Variants in PSMA1 observed in about 807,000 individuals in gnomAD.
PSMA1 encodes proteasome 20S subunit alpha 1, also known as proteasome subunit alpha type-1.
PSMA1 carries 3 observed loss-of-function variants against 38.4 expected under a neutral mutation model. The ratio of observed to expected loss-of-function variants is 0.08; its 90% CI spans 0.04 to 0.20. PSMA1 has a LOEUF of 0.20. Ranked by LOEUF, PSMA1 falls within the 10% of genes least tolerant of loss-of-function variation. The pLI, the probability that PSMA1 is intolerant of heterozygous loss-of-function variation, is 1.00. For synonymous variants in PSMA1, 101 were observed against 107.1 expected (o/e 0.94, Z 0.35); for missense variants, 227 against 325.3 (o/e 0.70, Z 2.32).
At chr11:14,598,024 A>G (rs551145860) in intron 2 of PSMA1, among the ~76,000 whole-genome samples, 5 of 152,158 alleles carry the variant, frequency 3.3e-5, no homozygotes, top group Non-Finnish European at 7.4e-5. Context: ...GTCACTCAGG[A>G]GCAAGTTGTT....
At chr11:14,634,647 A>T (rs183677941) in intron 1 of PSMA1, among the ~76,000 whole-genome samples, 82 of 152,240 alleles carry the variant, frequency 5.4e-4, no homozygotes, top group Non-Finnish European at 7.4e-4. Flanking sequence ...CATAGCCAAA[A>T]TTCAGGCTTT....
chr11:14,631,056 T>C (rs1051578906), intron 1 of PSMA1, among the ~76,000 whole-genome samples: 5 of 152,130 alleles, frequency 3.3e-5, no homozygotes, highest in Admixed American at 1.3e-4. Flanking sequence ...TCTTCTCTCT[T>C]TTTTTCTTTA....
intron 2 of PSMA1, among the ~76,000 whole-genome samples, chr11:14,588,286 G>A (rs1219801563): frequency 1.3e-5 from 2 of 152,202 alleles, no homozygotes; most frequent in Non-Finnish European, 2.9e-5. Flanking sequence ...TGGGCTGAGG[G>A]AATGGCATGA....
intron 2 of PSMA1, among the ~76,000 whole-genome samples, chr11:14,526,955 C>T (rs555235202): frequency 1.2e-4 from 18 of 152,256 alleles, no homozygotes; most frequent in Non-Finnish European, 1.8e-4. Flanking sequence ...TGCCTTAACT[C>T]GAGCCCTCAC....
intron 2 of PSMA1, among the ~76,000 whole-genome samples, chr11:14,545,878 TAGGAAG>T (rs1420442706): frequency 6.6e-6 from 1 of 152,146 alleles, no homozygotes; most frequent in African/African-American, 2.4e-5. Flanking sequence ...AGCCTACACA[TAGGAAG>T]AGGTGAAAGA....
At chr11:14,631,088 G>C (rs11525337) in intron 1 of PSMA1, among the ~76,000 whole-genome samples, 21,387 of 151,160 alleles carry the variant, frequency 0.14, 2,127 homozygotes, top group African/African-American at 0.29. Context: ...AGCGGTCTAT[G>C]AATTTTGTTG....
intron 2 of PSMA1, among the ~76,000 whole-genome samples, chr11:14,591,864 G>C (rs1028980899): frequency 9.9e-5 from 15 of 152,054 alleles, no homozygotes; most frequent in African/African-American, 3.4e-4. Context: ...CAACCCGCTC[G>C]GGTCCCCTTC....
chr11:14,505,067 T>C lies in PSMA1; in HGVS notation c.*125A>G. On this transcript the variant is annotated 3_prime_UTR_variant, in exon 10 of 10. Coordinates refer to ENST00000396394, the MANE Select transcript of PSMA1 (RefSeq NM_002786.4). ...GCTTGGAAAAAACTCACATCTGGACTGATTCCTAAAACATAGCATTCCACC... is the reference window on the plus strand; with the variant it reads ...GCTTGGAAAAAACTCACATCTGGACCGATTCCTAAAACATAGCATTCCACC... 1.1e-6 allele frequency: 1 copy of C among 876,212 alleles called. No homozygotes were observed. The highest frequency in any genetic ancestry group is 1.4e-5 in the South Asian group (1 of 73,750). 54.3% of individuals were successfully genotyped at this position (876,212 alleles called of 1,614,324 possible). A position where few individuals can be genotyped will look rare whatever the true frequency, so the allele number is the denominator to read the frequency against.
At chr11:14,586,393 T>G (rs1392688494) in intron 2 of PSMA1, among the ~76,000 whole-genome samples, 1 of 151,898 alleles carries the variant, frequency 6.6e-6, no homozygotes, top group Non-Finnish European at 1.5e-5. Context: ...GATCGTGCCA[T>G]TGTACTCCAG....
chr11:14,555,933 A>G (rs1851936884), intron 2 of PSMA1, among the ~76,000 whole-genome samples: 1 of 152,218 alleles, frequency 6.6e-6, no homozygotes, highest in Admixed American at 6.5e-5. Flanking sequence ...CTCTAACAGA[A>G]TTATAAATCT....
chr11:14,523,155 G>T (rs1049285964), upstream of PSMA1, among the ~76,000 whole-genome samples: 1 of 152,166 alleles, frequency 6.6e-6, no homozygotes, highest in African/African-American at 2.4e-5. Context: ...GCATTTGGTT[G>T]ACCTTTTTGT....
chr11:14,529,121 CAAA>C (rs34346829), intron 2 of PSMA1, among the ~76,000 whole-genome samples: 7 of 56,930 alleles, frequency 1.2e-4, no homozygotes, highest in Admixed American at 4.0e-4. Context: ...GACCCTGTCT[CAAA>C]AAAAAAAAAA....
chr11:14,577,570 A>G (rs534200669), intron 2 of PSMA1, among the ~76,000 whole-genome samples: 58 of 152,302 alleles, frequency 3.8e-4, no homozygotes, highest in African/African-American at 1.3e-3. Flanking sequence ...AAGTTATAAA[A>G]CAACAATAAA....
intron 8 of PSMA1, 35 bp downstream of exon 8, chr11:14,510,837 C>A (rs150150463): frequency 1.4e-6 from 2 of 1,457,934 alleles, no homozygotes; most frequent in Non-Finnish European, 9.4e-7. Flanking sequence ...TAAACTGTAA[C>A]GTTAATATCT....
chr11:14,520,656 T>A, upstream of PSMA1: 1 of 437,576 alleles, frequency 2.3e-6, no homozygotes, highest in Non-Finnish European at 4.0e-6. Flanking sequence ...GGGCTGCATC[T>A]AAAGTCGTCC....
At chr11:14,516,173 G>A (rs1318003686) in intron 4 of PSMA1, among the ~76,000 whole-genome samples, 1 of 149,588 alleles carries the variant, frequency 6.7e-6, no homozygotes, top group Non-Finnish European at 1.5e-5. Context: ...TCATACCACT[G>A]CACTCTAGCC....
At chr11:14,592,068 C>T (rs890467565) in intron 2 of PSMA1, among the ~76,000 whole-genome samples, 12 of 151,968 alleles carry the variant, frequency 7.9e-5, no homozygotes, top group African/African-American at 2.9e-4. Flanking sequence ...AGCTGTAACA[C>T]TCACTGCGAA....
chr11:14,589,300 A>G (rs1030428193), intron 2 of PSMA1, among the ~76,000 whole-genome samples: 2 of 150,624 alleles, frequency 1.3e-5, no homozygotes, highest in African/African-American at 4.9e-5. Context: ...TTGTTTTTCC[A>G]TGGTAGAATT....
chr11:14,519,105 TC>T lies in PSMA1; in HGVS notation c.4-65del. The T allele has an allele frequency of 3.1e-6, 4 of 1,294,942 alleles. No homozygotes were observed. The South Asian group carries it at 4.9e-5, about 16-fold the overall frequency. 80.2% of individuals were successfully genotyped at this position (1,294,942 alleles called of 1,614,324 possible). A position where few individuals can be genotyped will look rare whatever the true frequency, so the allele number is the denominator to read the frequency against. On this transcript the variant is annotated intron_variant, in intron 1 of 9. Coordinates refer to ENST00000396394, the MANE Select transcript of PSMA1 (RefSeq NM_002786.4). ...CATTTCAAATCCCAACTCTTAACAT[TC>T]ATTAAGAAATATGCTTGTATTTCCA...
Sources: allele counts gnomAD v4.1 joint callset (sites outside exome capture counted in the v4.1 genomes callset), GRCh38; gene constraint gnomAD v4.1.1; transcripts MANE v1.5; gene names NCBI Gene and HGNC (gene_info 2026-07-23, HGNC 2026-07-21).